ULK4: variants seen among roughly 807,000 people sequenced by gnomAD.
ULK4 encodes the protein unc-51 like kinase 4.
Under a neutral mutation model 160.6 loss-of-function variants are expected in ULK4, and 133 were observed. The observed-to-expected ratio is 0.83, with a 90% CI of 0.72 to 0.96. The LOEUF (loss-of-function observed/expected upper bound fraction) is 0.96. ULK4 is among the 40% of genes least tolerant of loss of function. The pLI, the probability that ULK4 is intolerant of heterozygous loss-of-function variation, is 0.00. For synonymous variants in ULK4, 534 were observed against 539.8 expected, an observed-to-expected ratio of 0.99 and a Z score of 0.15; for missense variants, 1,580 against 1,499.5, an observed-to-expected ratio of 1.05 and a Z score of -0.89.
intron 5 of ULK4, among the ~76,000 whole-genome samples, chr3:41,930,578 G>T (rs1170742334): frequency 2.0e-5 from 3 of 152,120 alleles, no homozygotes; most frequent in Non-Finnish European, 1.5e-5. Flanking sequence ...GAAAATTTTT[G>T]CAATCTACCC....
At chr3:41,610,903 G>A (rs1054732293) in intron 31 of ULK4, among the ~76,000 whole-genome samples, 19 of 152,176 alleles carry the variant, frequency 1.2e-4, no homozygotes, top group African/African-American at 4.3e-4. Flanking sequence ...ATTTACTGAA[G>A]TAGGCCAAAA....
rs182353449 is a variant in ULK4 at position 41,905,983 on chromosome 3, C to T, written c.1182+1862G>A. Among the ~76,000 whole-genome samples the T allele has an allele frequency of 2.6e-3, 398 of 152,000 alleles. 2 individuals carry two copies. The highest frequency in any genetic ancestry group is 8.4e-3 in the African/African-American group (349 of 41,452). ...CTATAATCCTAGCACTTTGGGAGTC[C>T]GAGGCGGGCGGATCATGAGATCAGG... On this transcript the variant is annotated intron_variant, in intron 12 of 36. Transcript: ENST00000301831.
intron 30 of ULK4, among the ~76,000 whole-genome samples, chr3:41,658,783 C>G (rs1463711536): frequency 4.8e-5 from 6 of 124,748 alleles, no homozygotes; most frequent in Non-Finnish European, 9.5e-5. Context: ...CAGTGGTTCT[C>G]TGTGGAGGAA....
In ULK4 at chr3:41,471,559, C is replaced by T. The variant is rs570812231; in HGVS notation, c.3227-8306G>A. On this transcript the variant is annotated intron_variant, in intron 32 of 36. Transcript: ENST00000301831. ...AAAATATACAATCTTCTCAAGCACA[C>T]ATGGAACATTCTTCAGGATAGATTA... 1.6e-4 allele frequency among the ~76,000 whole-genome samples: 24 copies of T among 152,270 alleles called. No individual in the cohort carries two copies. The South Asian group carries it at 3.9e-3, about 25-fold the overall frequency.
chr3:41,279,255 T>TAAAAAAACAAAAAA (rs2079296934), intron 35 of ULK4, among the ~76,000 whole-genome samples: 2 of 43,068 alleles, frequency 4.6e-5, no homozygotes, highest in African/African-American at 2.5e-4. Flanking sequence ...AAAAAAAGAG[T>TAAAAAAACAAAAAA]AAAAAAAAAA....
At chr3:41,323,025 C>T (rs1205696494) in intron 35 of ULK4, among the ~76,000 whole-genome samples, 1 of 151,930 alleles carries the variant, frequency 6.6e-6, no homozygotes, top group African/African-American at 2.4e-5. Context: ...GCAACTTCTG[C>T]CTCCCAGGTT....
At chr3:41,401,035 A>G (rs1331878737) in intron 34 of ULK4, among the ~76,000 whole-genome samples, 1 of 152,130 alleles carries the variant, frequency 6.6e-6, no homozygotes, top group East Asian at 1.9e-4. Context: ...AATAGTCTAG[A>G]TACGCCTTAG....
chr3:41,564,934 G>C (rs941013501), intron 32 of ULK4, among the ~76,000 whole-genome samples: 1 of 152,016 alleles, frequency 6.6e-6, no homozygotes, highest in African/African-American at 2.4e-5. Context: ...GCCCTATACA[G>C]GTGTATCATG....
At chr3:41,349,190 T>C (rs1330971614) in intron 35 of ULK4, among the ~76,000 whole-genome samples, 5 of 152,246 alleles carry the variant, frequency 3.3e-5, no homozygotes, top group Admixed American at 2.6e-4. Flanking sequence ...ATGCCCCCAT[T>C]CCCTATTTAT....
chr3:41,298,311 C>T (rs1253141061), intron 35 of ULK4, among the ~76,000 whole-genome samples: 1 of 152,188 alleles, frequency 6.6e-6, no homozygotes, highest in African/African-American at 2.4e-5. Context: ...AAGACGAACA[C>T]ATTAGCTTTT....
chr3:41,451,001 C>T (rs985297660), intron 34 of ULK4, among the ~76,000 whole-genome samples: 1 of 152,104 alleles, frequency 6.6e-6, no homozygotes, highest in Non-Finnish European at 1.5e-5. Flanking sequence ...CTGAGAAAAA[C>T]CTCTCAGAGG....
intron 34 of ULK4, among the ~76,000 whole-genome samples, chr3:41,407,577 AAATC>A (rs750631633): frequency 2.0e-5 from 3 of 152,356 alleles, no homozygotes; most frequent in Admixed American, 6.5e-5. Flanking sequence ...TCACATGTGA[AAATC>A]AATCAATGTT....
chr3:41,665,910 C>T (rs1390540091), intron 29 of ULK4, among the ~76,000 whole-genome samples: 7 of 152,116 alleles, frequency 4.6e-5, no homozygotes, highest in Admixed American at 1.3e-4. Context: ...ACTCACAAAA[C>T]TCAGAAAACT....
At chr3:41,773,021 TC>T in intron 21 of ULK4, among the ~76,000 whole-genome samples, 1 of 151,962 alleles carries the variant, frequency 6.6e-6, no homozygotes, top group Non-Finnish European at 1.5e-5. Flanking sequence ...AATTCAACAA[TC>T]CTTCATGCTA....
intron 31 of ULK4, among the ~76,000 whole-genome samples, chr3:41,588,776 C>T (rs2031026783): frequency 6.6e-6 from 1 of 152,136 alleles, no homozygotes; most frequent in Non-Finnish European, 1.5e-5. Context: ...ATTGGGCATC[C>T]AGTCATTTAA....
At chr3:41,545,527 A>G (rs2125958364) in intron 32 of ULK4, among the ~76,000 whole-genome samples, 1 of 152,268 alleles carries the variant, frequency 6.6e-6, no homozygotes, top group African/African-American at 2.4e-5. Context: ...CCTTTATGTA[A>G]TATATAATTT....
intron 34 of ULK4, among the ~76,000 whole-genome samples, chr3:41,420,205 C>T (rs2125835437): frequency 6.6e-6 from 1 of 152,012 alleles, no homozygotes; most frequent in East Asian, 1.9e-4. Flanking sequence ...GTTTTTAATA[C>T]ACTTAAAAGA....
intron 30 of ULK4, among the ~76,000 whole-genome samples, chr3:41,637,854 C>T (rs751946456): frequency 6.6e-5 from 10 of 152,170 alleles, no homozygotes; most frequent in Non-Finnish European, 1.5e-4. Context: ...GAGAAACGTC[C>T]ATTCAGATCC....
At chr3:41,853,343 G>C (rs1455823905) in intron 17 of ULK4, among the ~76,000 whole-genome samples, 3 of 152,098 alleles carry the variant, frequency 2.0e-5, no homozygotes, top group South Asian at 2.1e-4. Flanking sequence ...TTAAAGACTA[G>C]AGACACTTCC....
Sources: gnomAD v4.1 joint callset for allele counts (sites outside exome capture counted in the v4.1 genomes callset) on GRCh38, gnomAD v4.1.1 for gene constraint, MANE v1.5 for transcripts, NCBI Gene and HGNC (gene_info 2026-07-23, HGNC 2026-07-21) for gene names.